FBXL17: variants seen among roughly 807,000 people sequenced by gnomAD.
The protein encoded by FBXL17 is F-box/LRR-repeat protein 17.
Under a neutral mutation model 66.2 loss-of-function variants are expected in FBXL17, and 22 were observed. The observed-to-expected ratio is 0.33, with a 90% CI of 0.24 to 0.47. The LOEUF is 0.47. Ranked by LOEUF, FBXL17 falls within the 20% of genes least tolerant of loss-of-function variation. The pLI, the probability that FBXL17 is intolerant of heterozygous loss-of-function variation, is 1.00. For synonymous variants in FBXL17, 474 were observed against 400.5 expected, an observed-to-expected ratio of 1.18 and a Z score of -2.19; for missense variants, 878 against 948.2, an observed-to-expected ratio of 0.93 and a Z score of 0.97.
rs1255488001 is a variant in FBXL17 at position 107,862,976 on chromosome 5, A to G, written c.1966-1116T>C. On this transcript the variant is annotated intron_variant, in intron 8 of 8. Coordinates refer to ENST00000542267, the MANE Select transcript of FBXL17 (RefSeq NM_001163315.3). ...TACATTATTGAGAGTTGATATTTCA[A>G]CATTGTGTTGATGATACTAAATCTT... Among the ~76,000 whole-genome samples, 3 of 151,512 alleles carry G rather than the reference A, an allele frequency of 2.0e-5. No individual in the cohort carries two copies. The East Asian group carries it at 5.8e-4, about 29-fold the overall frequency.
intron 8 of FBXL17, among the ~76,000 whole-genome samples, chr5:107,872,040 A>G (rs1405577897): frequency 6.6e-6 from 1 of 152,222 alleles, no homozygotes; most frequent in African/African-American, 2.4e-5. Context: ...TAAAATTGCC[A>G]TTTCCATTAT....
chr5:107,959,417 C>G (rs536154610), intron 7 of FBXL17, among the ~76,000 whole-genome samples: 31 of 145,490 alleles, frequency 2.1e-4, no homozygotes, highest in African/African-American at 6.5e-4. Flanking sequence ...CACACACACA[C>G]AGGCAACACT....
chr5:108,265,848 C>G (rs1401015431), intron 4 of FBXL17, among the ~76,000 whole-genome samples: 1 of 152,108 alleles, frequency 6.6e-6, no homozygotes, highest in Non-Finnish European at 1.5e-5. Context: ...TCCTGCATTT[C>G]TAACAAACTT....
chr5:108,218,148 G>A (rs899089297), intron 5 of FBXL17, among the ~76,000 whole-genome samples: 2 of 150,722 alleles, frequency 1.3e-5, no homozygotes, highest in Non-Finnish European at 3.0e-5. Context: ...TGGGACTATA[G>A]GCGCCTGCTA....
intron 7 of FBXL17, among the ~76,000 whole-genome samples, chr5:107,881,764 G>A (rs1237265998): frequency 6.6e-6 from 1 of 152,180 alleles, no homozygotes; most frequent in Non-Finnish European, 1.5e-5. Flanking sequence ...ATGCTAGAGT[G>A]CAGTAAACAG....
At chr5:107,886,358 A>G (rs1298247956) in intron 7 of FBXL17, among the ~76,000 whole-genome samples, 2 of 152,170 alleles carry the variant, frequency 1.3e-5, no homozygotes, top group Admixed American at 1.3e-4. Context: ...CTGGTTTAGT[A>G]TACATACATC....
intron 6 of FBXL17, among the ~76,000 whole-genome samples, chr5:108,028,157 T>C (rs1268959708): frequency 6.6e-6 from 1 of 152,158 alleles, no homozygotes; most frequent in Admixed American, 6.5e-5. Flanking sequence ...TAATGAATTG[T>C]AATTCTTTAG....
chr5:108,226,341 T>C (rs1755100042), intron 4 of FBXL17, among the ~76,000 whole-genome samples: 3 of 152,208 alleles, frequency 2.0e-5, no homozygotes, highest in Admixed American at 6.5e-5. Flanking sequence ...AATGAATTTT[T>C]TTCCTTCTTT....
At chr5:108,307,007 T>C (rs900823132) in intron 4 of FBXL17, among the ~76,000 whole-genome samples, 4 of 152,092 alleles carry the variant, frequency 2.6e-5, no homozygotes, top group Non-Finnish European at 4.4e-5. Context: ...ACATTATCTT[T>C]AGGTATCCAT....
At chr5:107,994,215 G>C (rs1016211276) in intron 7 of FBXL17, among the ~76,000 whole-genome samples, 1 of 151,850 alleles carries the variant, frequency 6.6e-6, no homozygotes, top group African/African-American at 2.4e-5. Flanking sequence ...ACATGATATC[G>C]CAAATATTGA....
At chr5:108,247,008 T>A (rs1756130369) in intron 4 of FBXL17, among the ~76,000 whole-genome samples, 1 of 152,088 alleles carries the variant, frequency 6.6e-6, no homozygotes, top group African/African-American at 2.4e-5. Context: ...GAGTAAATAT[T>A]AAATGTAATT....
intron 7 of FBXL17, among the ~76,000 whole-genome samples, chr5:107,938,307 A>G (rs188321089): frequency 6.6e-6 from 1 of 152,238 alleles, no homozygotes; most frequent in African/African-American, 2.4e-5. Context: ...TCCTGGGAAA[A>G]CAGAAAAGCT....
chr5:108,368,986 A>T (rs1050320788), intron 1 of FBXL17, among the ~76,000 whole-genome samples: 3 of 151,968 alleles, frequency 2.0e-5, no homozygotes, highest in African/African-American at 7.3e-5. Flanking sequence ...GGACCTCAAG[A>T]TCTTGACCCT....
intron 6 of FBXL17, among the ~76,000 whole-genome samples, chr5:108,075,290 T>C (rs1748499851): frequency 6.6e-6 from 1 of 152,174 alleles, no homozygotes; most frequent in Non-Finnish European, 1.5e-5. Context: ...TGTGCTACCT[T>C]AGCATCATTC....
intron 5 of FBXL17, among the ~76,000 whole-genome samples, chr5:108,188,967 G>A (rs979178103): frequency 5.3e-5 from 8 of 152,182 alleles, no homozygotes; most frequent in African/African-American, 1.9e-4. Flanking sequence ...GGGCTGATAT[G>A]AACGCTCTTT....
intron 7 of FBXL17, among the ~76,000 whole-genome samples, chr5:107,988,805 T>A (rs1580292362): frequency 6.6e-6 from 1 of 152,050 alleles, no homozygotes; most frequent in African/African-American, 2.4e-5. Flanking sequence ...TTAATGCAAG[T>A]AACTGCCCAC....
At chr5:107,905,120 C>T (rs761682486) in intron 7 of FBXL17, among the ~76,000 whole-genome samples, 1 of 151,788 alleles carries the variant, frequency 6.6e-6, no homozygotes, top group Admixed American at 6.6e-5. Flanking sequence ...AATAATAATG[C>T]TTCAAATAGT....
intron 6 of FBXL17, among the ~76,000 whole-genome samples, chr5:108,131,611 C>T (rs914498376): frequency 2.0e-5 from 3 of 152,052 alleles, no homozygotes; most frequent in Admixed American, 2.0e-4. Context: ...ATTCTCAGAG[C>T]AGCAAGAGAC....
chr5:108,243,163 T>C (rs1385682786), intron 4 of FBXL17, among the ~76,000 whole-genome samples: 1 of 152,186 alleles, frequency 6.6e-6, no homozygotes, highest in African/African-American at 2.4e-5. Context: ...TAAAGTATTG[T>C]GAAAGAGAAA....
Sources: gnomAD v4.1 joint callset for allele counts (sites outside exome capture counted in the v4.1 genomes callset) on GRCh38, gnomAD v4.1.1 for gene constraint, MANE v1.5 for transcripts, NCBI Gene and HGNC (gene_info 2026-07-23, HGNC 2026-07-21) for gene names.